The following CNIH3 variants were observed in gnomAD, a reference collection of about 807,000 sequenced individuals.
CNIH3 encodes the protein cornichon family AMPA receptor auxiliary protein 3.
A neutral mutation model predicts 24.1 loss-of-function variants in CNIH3; 14 were observed. The ratio of observed to expected loss-of-function variants is 0.58; its 90% confidence interval spans 0.38 to 0.91. CNIH3 has a LOEUF of 0.91. CNIH3 is among the 40% of genes least tolerant of loss of function. CNIH3 has a pLI of 0.00. For missense variants in CNIH3, 178 were observed against 196.8 expected (o/e 0.90, Z 0.57); for synonymous variants, 68 against 73.8 (o/e 0.92, Z 0.40).
At chr1:224,626,047 G>T (rs1683511115) in intron 1 of CNIH3, among the ~76,000 whole-genome samples, 1 of 152,086 alleles carries the variant, frequency 6.6e-6, no homozygotes, top group African/African-American at 2.4e-5. Flanking sequence ...TAAATTCCAG[G>T]CTGAAATCCT....
At chr1:224,496,140 C>T (rs1418047407) in intron 1 of CNIH3, among the ~76,000 whole-genome samples, 2 of 152,194 alleles carry the variant, frequency 1.3e-5, no homozygotes, top group Non-Finnish European at 2.9e-5. Context: ...AGTTACTGAA[C>T]AACTACATGT....
Position 224,604,437 on chromosome 1 carries a change from A to G in CNIH3, n.402+38173A>G, listed in dbSNP as rs1186087707. Among the ~76,000 whole-genome samples, 1 of 152,176 alleles carries G rather than the reference A, an allele frequency of 6.6e-6. No individual in the cohort carries two copies. The highest frequency in any genetic ancestry group is 1.5e-5 in the Non-Finnish European group (1 of 68,040). The stretch of plus-strand genomic sequence containing the variant: ...GAGAGAAGAGATAATGCCTTTGCCA[A>G]CAGTCAGAGGGAAGTGAGAAGCAGC... On this transcript the variant is annotated intron_variant and non_coding_transcript_variant, in intron 3 of 7. Transcript: ENST00000478120. This position sits in a 1 kb window ranked among gnomAD's most constrained non-coding sequence, Gnocchi z 4.4.
rs756738928 is a variant in CNIH3, at chr1:224,617,288, C to T, written c.81+33C>T. The T allele has an allele frequency of 1.1e-5, 17 of 1,600,788 alleles. No individual in the cohort carries two copies. The African/African-American group carries it at 1.6e-4, about 15-fold the overall frequency. ...ACACGCTTTGGTCTCTCTTCTTTCG[C>T]CCCAATTTCGCTAAATTTCCCCGAT... is the stretch of plus-strand genomic sequence containing the variant. On this transcript the variant is annotated intron_variant, in intron 1 of 5. Coordinates refer to ENST00000272133, the MANE Select transcript of CNIH3 (RefSeq NM_152495.2).
At chr1:224,555,867 A>G (rs769152903) in intron 3 of CNIH3, among the ~76,000 whole-genome samples, 2 of 152,138 alleles carry the variant, frequency 1.3e-5, no homozygotes, top group Non-Finnish European at 2.9e-5. Flanking sequence ...TGAAATGGCC[A>G]TGCTCCCGGT....
intron 1 of CNIH3, among the ~76,000 whole-genome samples, chr1:224,504,835 T>C (rs1256184966): frequency 6.6e-6 from 1 of 152,188 alleles, no homozygotes; most frequent in Admixed American, 6.5e-5. Context: ...TCAGGCTGTT[T>C]AGAGGATCAG....
chr1:224,447,513 G>A (rs1675217201), intron 1 of CNIH3, among the ~76,000 whole-genome samples: 1 of 152,166 alleles, frequency 6.6e-6, no homozygotes, highest in Non-Finnish European at 1.5e-5. Flanking sequence ...GGAAACCCTG[G>A]CAGACACACC....
chr1:224,682,539 A>G (rs1686452035), intron 2 of CNIH3, among the ~76,000 whole-genome samples: 1 of 152,212 alleles, frequency 6.6e-6, no homozygotes, highest in South Asian at 2.1e-4. Flanking sequence ...TCCACTTGAA[A>G]ACTTGCTGTA....
At chr1:224,641,308 C>G (rs567520383) in intron 1 of CNIH3, among the ~76,000 whole-genome samples, 8 of 152,194 alleles carry the variant, frequency 5.3e-5, no homozygotes, top group Non-Finnish European at 1.2e-4. Context: ...AGTCAATTCC[C>G]GGGGAACAGT....
intron 4 of CNIH3, among the ~76,000 whole-genome samples, chr1:224,580,332 G>C (rs10799586): frequency 0.1 from 15,922 of 152,142 alleles, 935 homozygotes; most frequent in South Asian, 0.24. Flanking sequence ...AAACCAAAAA[G>C]TATCTGACAC....
intron 4 of CNIH3, chr1:224,574,515 G>T: frequency 1.4e-6 from 1 of 690,922 alleles, no homozygotes. Flanking sequence ...TCCAGGCCAG[G>T]TAACTGAGGC....
At chr1:224,713,374 T>G (rs1438399588) in intron 3 of CNIH3, among the ~76,000 whole-genome samples, 1 of 152,212 alleles carries the variant, frequency 6.6e-6, no homozygotes, top group Non-Finnish European at 1.5e-5. Flanking sequence ...TCACCTTGCT[T>G]TGATGATTCA....
chr1:224,540,733 C>A (rs1344934320), downstream of CNIH3, among the ~76,000 whole-genome samples: 1 of 152,058 alleles, frequency 6.6e-6, no homozygotes, highest in Non-Finnish European at 1.5e-5. Context: ...GGCTGCTTAC[C>A]AAAACCAATT....
chr1:224,603,130 G>T (rs1250293816), intron 3 of CNIH3, among the ~76,000 whole-genome samples: 1 of 151,944 alleles, frequency 6.6e-6, no homozygotes, highest in Non-Finnish European at 1.5e-5. Context: ...TGTTGCAAAA[G>T]AAAAGAAGGA....
rs946260470 is a variant in CNIH3, at chr1:224,563,745, C to A, written n.451-2454C>A. 3.9e-5 allele frequency among the ~76,000 whole-genome samples: 6 copies of A among 152,238 alleles called. No homozygotes were observed. The South Asian group carries it at 1.2e-3, about 32-fold the overall frequency. ...AAGCTCCTTCCATTCTAGGATTGGA[C>A]AAACAGGTATTTATTTAAAAGAACC... On this transcript the variant is annotated intron_variant and non_coding_transcript_variant, in intron 3 of 5. Transcript: ENST00000471578.
At chr1:224,676,466 C>T (rs185097463) in intron 1 of CNIH3, among the ~76,000 whole-genome samples, 14 of 152,122 alleles carry the variant, frequency 9.2e-5, no homozygotes, top group Admixed American at 8.5e-4. Flanking sequence ...GAACTTTTCA[C>T]CAAAAAGAGT....
At chr1:224,517,547 G>T (rs530192172) in intron 1 of CNIH3, among the ~76,000 whole-genome samples, 1 of 152,188 alleles carries the variant, frequency 6.6e-6, no homozygotes, top group African/African-American at 2.4e-5. Flanking sequence ...GTTCTTTAGT[G>T]GTGATTTCTG....
intron 1 of CNIH3, among the ~76,000 whole-genome samples, chr1:224,620,148 G>A (rs1232184938): frequency 6.6e-6 from 1 of 152,218 alleles, no homozygotes; most frequent in Admixed American, 6.5e-5. Flanking sequence ...TACTATCTCT[G>A]AGTACATTTA....
intron 2 of CNIH3, among the ~76,000 whole-genome samples, chr1:224,525,132 C>T (rs952991335): frequency 2.0e-5 from 3 of 152,168 alleles, no homozygotes; most frequent in East Asian, 1.9e-4. Context: ...TTTAGTTGCA[C>T]GGACCCCACA....
rs1377500651 is a variant in CNIH3 at position 224,535,891 on chromosome 1, A to G, written n.344-1045A>G. 3.3e-5 allele frequency among the ~76,000 whole-genome samples: 5 copies of G among 152,326 alleles called. No individual in the cohort carries two copies. The East Asian group carries it at 9.6e-4, about 29-fold the overall frequency. On this transcript the variant is annotated intron_variant and non_coding_transcript_variant, in intron 2 of 2. Transcript: ENST00000470602. ...TAGTGGGATCTGTGGCCTCCTGTAG[A>G]GGCATGGGACCGCTGTCACCTGCAG... is the stretch of plus-strand genomic sequence containing the variant.
Sources: gnomAD v4.1 joint callset for allele counts (sites outside exome capture counted in the v4.1 genomes callset) on GRCh38, gnomAD v4.1.1 for gene constraint, Gnocchi (gnomAD v3.1) non-coding constraint, MANE v1.5 for transcripts, NCBI Gene and HGNC (gene_info 2026-07-23, HGNC 2026-07-21) for gene names.